NCOA2: variants seen among roughly 807,000 people sequenced by gnomAD.
NCOA2 encodes class E basic helix-loop-helix protein 75.
Under a neutral mutation model 145.1 loss-of-function variants are expected in NCOA2, and 21 were observed. The ratio of observed to expected loss-of-function variants is 0.14; its 90% CI spans 0.10 to 0.21. NCOA2 has a LOEUF of 0.21. NCOA2 is among the 10% of genes least tolerant of loss of function. NCOA2 has a pLI of 1.00. For missense variants in NCOA2, 1,472 were observed against 1,837.6 expected, an observed-to-expected ratio of 0.80 and a Z score of 3.64; for synonymous variants, 619 against 637.5, an observed-to-expected ratio of 0.97 and a Z score of 0.44.
the NCOA2 span, among the ~76,000 whole-genome samples, chr8:70,454,381 G>A: frequency 4.6e-5 from 7 of 152,270 alleles, no homozygotes; most frequent in South Asian, 1.0e-3. Context: ...TGCAAAGAAC[G>A]GAACTGCTCT....
chr8:70,167,980 C>A (rs1177197825), intron 6 of NCOA2, among the ~76,000 whole-genome samples: 1 of 152,218 alleles, frequency 6.6e-6, no homozygotes, highest in Non-Finnish European at 1.5e-5. Context: ...TTTTCTATAT[C>A]ATTCCTTATG....
intron 4 of NCOA2, among the ~76,000 whole-genome samples, chr8:70,176,058 T>C (rs1814797768): frequency 6.6e-6 from 1 of 152,156 alleles, no homozygotes; most frequent in South Asian, 2.1e-4. Context: ...CACTAAGAAG[T>C]ATGACTTCAA....
chr8:70,205,805 C>T (rs1318238654), intron 4 of NCOA2, among the ~76,000 whole-genome samples: 1 of 152,150 alleles, frequency 6.6e-6, no homozygotes, highest in African/African-American at 2.4e-5. Context: ...TGGACTTTGT[C>T]ATAGACTCCG....
intron 1 of NCOA2, among the ~76,000 whole-genome samples, chr8:70,336,315 G>A (rs143480092): frequency 3.7e-4 from 56 of 152,216 alleles, no homozygotes; most frequent in African/African-American, 1.3e-3. Context: ...AAATCATTAT[G>A]TGACACATGG....
chr8:70,200,300 C>T (rs1251313650), intron 4 of NCOA2, among the ~76,000 whole-genome samples: 1 of 152,078 alleles, frequency 6.6e-6, no homozygotes, highest in Non-Finnish European at 1.5e-5. Flanking sequence ...TTAGAATGAA[C>T]ATCAAATATT....
the NCOA2 span, among the ~76,000 whole-genome samples, chr8:70,415,493 T>C: frequency 2.6e-5 from 4 of 152,204 alleles, no homozygotes; most frequent in African/African-American, 7.2e-5. Flanking sequence ...TTTTGTTTCA[T>C]AAAATTCAAT....
intron 2 of NCOA2, among the ~76,000 whole-genome samples, chr8:70,288,985 TCTA>T (rs1329897598): frequency 5.3e-5 from 8 of 152,302 alleles, no homozygotes; most frequent in African/African-American, 1.9e-4. Flanking sequence ...TAAAATAAAA[TCTA>T]CTGTTTTATA....
In NCOA2 at chr8:70,181,867, A is replaced by C. The variant is rs114189861; in HGVS notation, c.260-7008T>G. Among the ~76,000 whole-genome samples, 896 of 152,292 alleles carry C rather than the reference A, an allele frequency of 5.9e-3. 5 individuals are homozygous for C. The highest frequency in any genetic ancestry group is 0.02 in the African/African-American group (830 of 41,552). On this transcript the variant is annotated intron_variant, in intron 4 of 22. Coordinates refer to ENST00000452400, the MANE Select transcript of NCOA2 (RefSeq NM_006540.4). ...GACTGTCAAACCCAGCAGCAGTGAG[A>C]CCTACGCAGAGCAAAGAAGTCACTG...
In NCOA2 at chr8:70,156,864, G is replaced by C. The variant is rs1443168100; in HGVS notation, c.1501C>G (p.Arg501Gly). The C allele has an allele frequency of 1.9e-6, 3 of 1,613,960 alleles. No homozygotes were observed. The highest frequency in any genetic ancestry group is 1.3e-5 in the African/African-American group (1 of 75,036). ...RMSPGVAGSP[R>G]IPPSQFSPAG... ...GGGGAAAACTGACTGGGTGGGATTCGAGGGCTGCCAGCCACTCCAGGGCTC... is the reference window on the plus strand; with the variant it reads ...GGGGAAAACTGACTGGGTGGGATTCCAGGGCTGCCAGCCACTCCAGGGCTC... Residue 501 changes from arginine (R) to glycine (G), a missense_variant, in exon 11 of 23, where the codon CGA (arginine) becomes GGA (glycine). Coordinates refer to ENST00000452400, the MANE Select transcript of NCOA2 (RefSeq NM_006540.4).
intron 2 of NCOA2, among the ~76,000 whole-genome samples, chr8:70,234,440 A>G (rs1821422322): frequency 6.6e-6 from 1 of 152,192 alleles, no homozygotes; most frequent in Non-Finnish European, 1.5e-5. Flanking sequence ...ATGCGAAACT[A>G]CTTCCCAAAC....
At chr8:70,153,509 A>C (rs957128902) in intron 11 of NCOA2, among the ~76,000 whole-genome samples, 5 of 152,204 alleles carry the variant, frequency 3.3e-5, no homozygotes, top group Non-Finnish European at 7.3e-5. Context: ...TTGACCCTCT[A>C]AGTCCCTTGG....
At chr8:70,330,589 AAAAC>A (rs1269185766) in intron 1 of NCOA2, among the ~76,000 whole-genome samples, 2 of 151,764 alleles carry the variant, frequency 1.3e-5, no homozygotes, top group East Asian at 3.9e-4. Flanking sequence ...AAAACCCCAA[AAAAC>A]AAACAAAAAA....
chr8:70,153,451 T>C (rs1441825460), intron 11 of NCOA2, among the ~76,000 whole-genome samples: 1 of 152,218 alleles, frequency 6.6e-6, no homozygotes, highest in Non-Finnish European at 1.5e-5. Flanking sequence ...CTGAAGTTAG[T>C]GCAATCACAT....
intron 4 of NCOA2, among the ~76,000 whole-genome samples, chr8:70,187,142 AGT>A (rs1337252435): frequency 1.3e-5 from 2 of 152,224 alleles, no homozygotes; most frequent in African/African-American, 4.8e-5. Flanking sequence ...CAGGAGAAGC[AGT>A]GAGGGCCTTA....
intron 2 of NCOA2, among the ~76,000 whole-genome samples, chr8:70,253,347 A>G (rs1431672229): frequency 6.6e-6 from 1 of 152,184 alleles, no homozygotes; most frequent in African/African-American, 2.4e-5. Context: ...CGCATAAGGC[A>G]CTAGGTCTCC....
Position 70,217,498 on chromosome 8 carries a change from C to G in NCOA2, c.-19-734G>C, listed in dbSNP as rs374314049. Among the ~76,000 whole-genome samples, 10 of 152,284 alleles carry G rather than the reference C, an allele frequency of 6.6e-5. No individual in the cohort carries two copies. In the East Asian group the frequency reaches 1.2e-3, roughly 18 times the overall value. ...CGCCTCCAAACTTTCCTTCCCTCAG[C>G]TGGTTCTGGCTGCTAACGCCAAAGG... is the stretch of plus-strand genomic sequence containing the variant. On this transcript the variant is annotated intron_variant, in intron 2 of 22. Transcript: ENST00000452400.
intron 1 of NCOA2, among the ~76,000 whole-genome samples, chr8:70,342,497 A>G (rs1344177175): frequency 6.6e-6 from 1 of 152,112 alleles, no homozygotes; most frequent in Non-Finnish European, 1.5e-5. Context: ...CTTTTATGTT[A>G]AAATGCTTTT....
chr8:70,143,713 G>A (rs976681148), intron 13 of NCOA2, among the ~76,000 whole-genome samples: 1 of 152,176 alleles, frequency 6.6e-6, no homozygotes, highest in Non-Finnish European at 1.5e-5. Flanking sequence ...TGTGTAAACA[G>A]CACTCAATGT....
intron 1 of NCOA2, among the ~76,000 whole-genome samples, chr8:70,325,812 A>G (rs1025868464): frequency 6.6e-6 from 1 of 152,190 alleles, no homozygotes; most frequent in Admixed American, 6.5e-5. Flanking sequence ...AATCTTTCAC[A>G]TGGGTGGCCC....
Sources: gnomAD v4.1 joint callset for allele counts (sites outside exome capture counted in the v4.1 genomes callset) on GRCh38, gnomAD v4.1.1 for gene constraint, MANE v1.5 for transcripts, NCBI Gene and HGNC (gene_info 2026-07-23, HGNC 2026-07-21) for gene names.